The following LIPC variants were observed in gnomAD, a reference collection of about 807,000 sequenced individuals.
LIPC encodes the protein lipase C, hepatic type, also known as hepatic triacylglycerol lipase.
Under a neutral mutation model 50.7 loss-of-function variants are expected in LIPC, and 44 were observed. The observed-to-expected ratio is 0.87, with a 90% CI of 0.68 to 1.11. LIPC has a LOEUF of 1.11. Among genes scored for constraint, LIPC ranks in the 50% most tolerant of loss-of-function variants. LIPC has a pLI of 0.00. For missense variants in LIPC, 697 were observed against 648.2 expected (o/e 1.08, Z -0.82); for synonymous variants, 271 against 256.4 (o/e 1.06, Z -0.54).
At chr15:58,554,964 T>C (rs967520011) in intron 6 of LIPC, among the ~76,000 whole-genome samples, 7 of 152,184 alleles carry the variant, frequency 4.6e-5, no homozygotes, top group Admixed American at 1.3e-4. Context: ...GCCCGTTCCC[T>C]GGTGAGCCTC....
chr15:58,471,319 T>G (rs1894789940), intron 1 of LIPC, among the ~76,000 whole-genome samples: 1 of 27,572 alleles, frequency 3.6e-5, no homozygotes, highest in Admixed American at 4.7e-4. Context: ...TTTGTATTTT[T>G]AGTAGAGATG....
rs1894254375 is a variant in LIPC, at chr15:58,563,704, GC to G, written c.1370del (p.Ala457GlufsTer8). On this transcript the variant is annotated frameshift_variant, in exon 8 of 9. Coordinates refer to ENST00000299022, the MANE Select transcript of LIPC (RefSeq NM_000236.3). LOFTEE classifies it high-confidence loss of function. ...CGTTCTGAAGACGATCAGAGTCAAA[GC>G]AGGAGAAACCCAGCAAAGGTGACTG... ...GLVLKTIRVK[A>X]GETQQRMTFC... 2 of 1,613,152 alleles carry G rather than the reference GC, an allele frequency of 1.2e-6. No individual in the cohort carries two copies. Among genetic ancestry groups the G allele is most frequent in the South Asian group, 2.2e-5 (2 of 91,036 alleles).
Position 58,432,026 on chromosome 15 carries a change from C to A in LIPC, c.-7C>A. 1.9e-6 allele frequency: 3 copies of A among 1,609,348 alleles called. No homozygotes were observed. The East Asian group carries it at 6.7e-5, about 36-fold the overall frequency. Reference sequence around the variant, plus strand: ...AAGAAAGCCTGGACCCCGGGTGAAACGGAGAAATGGACACAAGTCCCCTGT... The same window carrying A: ...AAGAAAGCCTGGACCCCGGGTGAAAAGGAGAAATGGACACAAGTCCCCTGT... On this transcript the variant is annotated 5_prime_UTR_variant, in exon 1 of 9. Transcript: ENST00000299022.
intron 1 of LIPC, among the ~76,000 whole-genome samples, chr15:58,467,807 C>T (rs1414315619): frequency 6.6e-6 from 1 of 152,114 alleles, no homozygotes; most frequent in Non-Finnish European, 1.5e-5. Context: ...AAATCCTGTC[C>T]GCCGCTTAGA....
chr15:58,528,674 C>A (rs1279372972), intron 1 of LIPC, among the ~76,000 whole-genome samples: 1 of 152,322 alleles, frequency 6.6e-6, no homozygotes, highest in South Asian at 2.1e-4. Flanking sequence ...CCAGCTAGAG[C>A]CCAAGCTCCT....
At chr15:58,538,038 C>T (rs1410439756) in intron 1 of LIPC, among the ~76,000 whole-genome samples, 1 of 152,180 alleles carries the variant, frequency 6.6e-6, no homozygotes, top group Non-Finnish European at 1.5e-5. Context: ...GCCTCCAAAA[C>T]TGCCTTGCCT....
chr15:58,529,867 A>T (rs1892905350), intron 1 of LIPC, among the ~76,000 whole-genome samples: 1 of 152,206 alleles, frequency 6.6e-6, no homozygotes, highest in South Asian at 2.1e-4. Context: ...CACTACCAAT[A>T]AAAGGTCCCT....
chr15:58,471,331 G>GGGGGGC (rs1566919604), intron 1 of LIPC, among the ~76,000 whole-genome samples: 4 of 139,002 alleles, frequency 2.9e-5, no homozygotes, highest in African/African-American at 1.1e-4. Flanking sequence ...GTAGAGATGG[G>GGGGGGC]GGGGGGTGGT....
chr15:58,436,812 C>T (rs559917254), intron 1 of LIPC: 38 of 456,076 alleles, frequency 8.3e-5, no homozygotes, highest in African/African-American at 6.0e-4. Flanking sequence ...GGATGGTATC[C>T]GGACAGAAGA....
At chr15:58,533,930 A>G (rs1459795221) in intron 1 of LIPC, among the ~76,000 whole-genome samples, 1 of 152,356 alleles carries the variant, frequency 6.6e-6, no homozygotes, top group Non-Finnish European at 1.5e-5. Context: ...GTCTATTGCA[A>G]CACTATAATT....
chr15:58,542,643 G>A lies in LIPC; in HGVS notation c.566G>A (p.Arg189Lys). The change falls in exon 4 of 9, where the codon AGA becomes AAA. Residue 189 changes from arginine to lysine, a missense_variant. Coordinates refer to ENST00000299022, the MANE Select transcript of LIPC (RefSeq NM_000236.3). Reference sequence around the variant, plus strand: ...ATCGGTGGAACGCACAAGATTGGGAGAATCACAGGTAACCATGCCTAATAA... The same window carrying A: ...ATCGGTGGAACGCACAAGATTGGGAAAATCACAGGTAACCATGCCTAATAA... ...SSIGGTHKIG[R>K]ITGLDAAGPL... 2 of 1,608,354 alleles carry A rather than the reference G, an allele frequency of 1.2e-6. No homozygotes were observed. Among genetic ancestry groups the A allele is most frequent in the South Asian group, 1.1e-5 (1 of 90,936 alleles).
chr15:58,565,481 C>T (rs1366107271), intron 8 of LIPC: 9 of 1,395,878 alleles, frequency 6.4e-6, no homozygotes, highest in South Asian at 3.4e-5. Flanking sequence ...GGCTCCCACA[C>T]GGGGTGAGCA....
At chr15:58,506,902 C>T (rs111422628) in intron 1 of LIPC, among the ~76,000 whole-genome samples, 2 of 152,206 alleles carry the variant, frequency 1.3e-5, no homozygotes, top group African/African-American at 4.8e-5. Flanking sequence ...CTTGGGAGGC[C>T]TCAGGAAACT....
intron 1 of LIPC, among the ~76,000 whole-genome samples, chr15:58,477,747 G>C (rs1891047581): frequency 1.3e-5 from 2 of 152,010 alleles, no homozygotes; most frequent in South Asian, 2.1e-4. Context: ...GAAACTGCTT[G>C]ACTGAAAAGT....
intron 1 of LIPC, among the ~76,000 whole-genome samples, chr15:58,471,328 T>TA (rs1555399295): frequency 8.8e-6 from 1 of 114,182 alleles, no homozygotes; most frequent in South Asian, 3.3e-4. Context: ...TTAGTAGAGA[T>TA]GGGGGGGGGT....
intron 1 of LIPC, among the ~76,000 whole-genome samples, chr15:58,470,458 A>G (rs1894752532): frequency 6.6e-6 from 1 of 152,090 alleles, no homozygotes; most frequent in African/African-American, 2.4e-5. Context: ...AAAATTACTC[A>G]ATTGTTAAAT....
intron 1 of LIPC, among the ~76,000 whole-genome samples, chr15:58,532,781 C>G (rs1273987994): frequency 6.6e-6 from 1 of 152,190 alleles, no homozygotes; most frequent in African/African-American, 2.4e-5. Context: ...CCTCAATTGC[C>G]TGCAGTCACC....
At chr15:58,550,086 A>T (rs1453665525) in intron 6 of LIPC, among the ~76,000 whole-genome samples, 1 of 152,208 alleles carries the variant, frequency 6.6e-6, no homozygotes, top group Non-Finnish European at 1.5e-5. Context: ...TAGGCAGGGA[A>T]AATTATTTGT....
intron 1 of LIPC, among the ~76,000 whole-genome samples, chr15:58,466,204 T>C (rs1486118691): frequency 2.6e-5 from 4 of 152,256 alleles, no homozygotes; most frequent in African/African-American, 9.6e-5. Context: ...AGCAATGCGA[T>C]GGGACGTGCT....
Sources: gnomAD v4.1 joint callset for allele counts (sites outside exome capture counted in the v4.1 genomes callset) on GRCh38, gnomAD v4.1.1 for gene constraint, MANE v1.5 for transcripts, NCBI Gene and HGNC (gene_info 2026-07-23, HGNC 2026-07-21) for gene names.